NRXN3: variants seen among roughly 807,000 people sequenced by gnomAD.
NRXN3 encodes the protein neurexin 3.
NRXN3 carries 32 observed loss-of-function variants against 137.6 expected under a neutral mutation model. The ratio of observed to expected loss-of-function variants is 0.23; its 90% CI spans 0.18 to 0.31. The LOEUF (loss-of-function observed/expected upper bound fraction) is 0.31, where lower values mean the gene tolerates loss of function less well. Among genes scored for constraint, NRXN3 ranks in the 10% least tolerant of loss-of-function variants. The pLI is 1.00. For missense variants in NRXN3, 1,574 were observed against 2,062.5 expected (o/e 0.76, Z 4.59); for synonymous variants, 798 against 784.5 (o/e 1.02, Z -0.29).
chr14:78,401,908 A>G (rs1255617591), intron 4 of NRXN3, among the ~76,000 whole-genome samples: 1 of 152,230 alleles, frequency 6.6e-6, no homozygotes, highest in Non-Finnish European at 1.5e-5. Flanking sequence ...AGATCAAACT[A>G]GTAAGATACA....
chr14:78,228,696 G>T (rs942662447), intron 1 of NRXN3, among the ~76,000 whole-genome samples: 20 of 152,170 alleles, frequency 1.3e-4, no homozygotes, highest in Non-Finnish European at 2.8e-4. Context: ...AGGTTACAAA[G>T]CTCCTCAGTG....
chr14:78,926,071 G>A lies in NRXN3; in HGVS notation c.2276-31171G>A, dbSNP rs529080998. Among the ~76,000 whole-genome samples the A allele has an allele frequency of 3.9e-5, 6 of 152,206 alleles. No homozygotes were observed. In the East Asian group the frequency reaches 7.7e-4, roughly 20 times the overall value. ...AGACCACAGAATAAGTGGAAAAGTTGAAATTGGAACCTACCTCTTTTTGAC... is the reference window on the plus strand; with the variant it reads ...AGACCACAGAATAAGTGGAAAAGTTAAAATTGGAACCTACCTCTTTTTGAC... On this transcript the variant is annotated intron_variant, in intron 10 of 20. Transcript: ENST00000335750.
chr14:79,715,926 G>C (rs552028295), intron 19 of NRXN3, among the ~76,000 whole-genome samples: 1 of 152,320 alleles, frequency 6.6e-6, no homozygotes, highest in East Asian at 1.9e-4. Context: ...ACTGTATCGC[G>C]TTCCTCTGGC....
intron 10 of NRXN3, among the ~76,000 whole-genome samples, chr14:78,853,149 T>C (rs1219123117): frequency 6.6e-6 from 1 of 152,158 alleles, no homozygotes; most frequent in East Asian, 1.9e-4. Context: ...ACATGTGCCA[T>C]GTTGGTGTGC....
At chr14:79,474,138 C>T (rs908274600) in intron 16 of NRXN3, among the ~76,000 whole-genome samples, 46 of 152,186 alleles carry the variant, frequency 3.0e-4, no homozygotes, top group Admixed American at 1.4e-3. Context: ...TTTTTCAATC[C>T]ATTTCTGTCA....
At chr14:79,455,805 C>T (rs1344153205) in intron 15 of NRXN3, among the ~76,000 whole-genome samples, 24 of 151,648 alleles carry the variant, frequency 1.6e-4, no homozygotes, top group Admixed American at 1.6e-3. Flanking sequence ...TTTTAAAGAG[C>T]AAACTTTGGG....
At chr14:79,831,640 A>C (rs1293532452) in intron 20 of NRXN3, among the ~76,000 whole-genome samples, 2 of 152,122 alleles carry the variant, frequency 1.3e-5, no homozygotes, top group Non-Finnish European at 2.9e-5. Flanking sequence ...CACTCTAAGA[A>C]ATGATGAGGA....
intron 15 of NRXN3, among the ~76,000 whole-genome samples, chr14:79,007,508 CA>C (rs201473355): frequency 6.9e-6 from 1 of 145,432 alleles, no homozygotes; most frequent in African/African-American, 2.5e-5. Flanking sequence ...AACAAACAAA[CA>C]AAAAAAAACA....
chr14:78,449,911 C>T (rs925589926), intron 4 of NRXN3, among the ~76,000 whole-genome samples: 2 of 152,140 alleles, frequency 1.3e-5, no homozygotes, highest in African/African-American at 4.8e-5. Flanking sequence ...TTCTTTGTAT[C>T]CCACTAAGGA....
At chr14:79,083,001 C>T (rs537988251) in intron 15 of NRXN3, among the ~76,000 whole-genome samples, 11 of 152,234 alleles carry the variant, frequency 7.2e-5, no homozygotes, top group East Asian at 5.8e-4. Flanking sequence ...CACGGGATGG[C>T]GGAAGAGACA....
At chr14:79,821,290 T>C (rs1314097354) in intron 20 of NRXN3, among the ~76,000 whole-genome samples, 1 of 152,166 alleles carries the variant, frequency 6.6e-6, no homozygotes, top group Non-Finnish European at 1.5e-5. Context: ...CACTTACTCA[T>C]TACTAGCTTT....
intron 15 of NRXN3, among the ~76,000 whole-genome samples, chr14:79,290,663 G>GA (rs11349861): frequency 0.016 from 1,671 of 106,630 alleles, 16 homozygotes; most frequent in South Asian, 0.069. Flanking sequence ...GGTGGTTCCA[G>GA]AAAAAAAAAA....
intron 10 of NRXN3, among the ~76,000 whole-genome samples, chr14:78,939,673 T>A (rs931765631): frequency 1.2e-4 from 18 of 151,124 alleles, no homozygotes; most frequent in African/African-American, 4.1e-4. Context: ...GGGGCCAGAA[T>A]GGGACCAAAA....
chr14:78,804,663 T>C (rs1216687528), intron 9 of NRXN3, among the ~76,000 whole-genome samples: 1 of 152,202 alleles, frequency 6.6e-6, no homozygotes, highest in East Asian at 1.9e-4. Context: ...TATAACAGAA[T>C]CTTTAGAAAT....
chr14:79,605,396 A>G (rs1005549330), intron 16 of NRXN3, among the ~76,000 whole-genome samples: 4 of 152,134 alleles, frequency 2.6e-5, no homozygotes, highest in African/African-American at 7.2e-5. Context: ...GTGATCTGGG[A>G]GAAGGAGTCT....
At chr14:79,391,474 A>T (rs1386427762) in intron 15 of NRXN3, among the ~76,000 whole-genome samples, 1 of 152,240 alleles carries the variant, frequency 6.6e-6, no homozygotes, top group Admixed American at 6.5e-5. Flanking sequence ...CATGGCATAG[A>T]TGTGAGGCTC....
At chr14:79,084,627 G>C (rs2047733436) in intron 15 of NRXN3, among the ~76,000 whole-genome samples, 1 of 152,076 alleles carries the variant, frequency 6.6e-6, no homozygotes, top group Non-Finnish European at 1.5e-5. Flanking sequence ...TCAGAAAATA[G>C]AAGGCATTTT....
chr14:79,052,651 GA>G (rs1194639880), intron 15 of NRXN3, among the ~76,000 whole-genome samples: 4 of 152,200 alleles, frequency 2.6e-5, no homozygotes, highest in Non-Finnish European at 5.9e-5. Context: ...ATGAAACAAA[GA>G]GAATGCATTC....
intron 16 of NRXN3, among the ~76,000 whole-genome samples, chr14:79,535,563 G>A (rs577361354): frequency 7.2e-5 from 11 of 152,076 alleles, no homozygotes; most frequent in African/African-American, 2.4e-4. Context: ...ATTTCCAGTA[G>A]CAGGCATTCT....
Sources: allele counts gnomAD v4.1 joint callset (sites outside exome capture counted in the v4.1 genomes callset), GRCh38; gene constraint gnomAD v4.1.1; transcripts MANE v1.5; gene names NCBI Gene and HGNC (gene_info 2026-07-23, HGNC 2026-07-21).